ITPR1: variants seen among roughly 807,000 people sequenced by gnomAD.
ITPR1 encodes inositol 1,4,5-trisphosphate-gated calcium channel ITPR1.
ITPR1 carries 96 observed loss-of-function variants against 318.4 expected under a neutral mutation model. The observed-to-expected ratio is 0.30, with a 90% CI of 0.26 to 0.36. The LOEUF is 0.36. Among genes scored for constraint, ITPR1 ranks in the 10% least tolerant of loss-of-function variants. The probability of loss-of-function intolerance (pLI) is 1.00; values close to 1 mark genes in which losing one functional copy is unlikely to be tolerated. For synonymous variants in ITPR1, 1,312 were observed against 1,289.9 expected, an observed-to-expected ratio of 1.02 and a Z score of -0.37; for missense variants, 2,440 against 3,460.2, an observed-to-expected ratio of 0.71 and a Z score of 7.40.
intron 55 of ITPR1, among the ~76,000 whole-genome samples, chr3:4,809,412 G>T (rs1051349195): frequency 1.1e-4 from 16 of 152,166 alleles, no homozygotes; most frequent in Non-Finnish European, 2.1e-4. Context: ...GAAATACCAG[G>T]TGATCATTTT....
intron 4 of ITPR1, among the ~76,000 whole-genome samples, chr3:4,566,913 G>T (rs971417241): frequency 2.6e-5 from 4 of 152,082 alleles, no homozygotes; most frequent in Non-Finnish European, 5.9e-5. Context: ...TTCAGCTTAG[G>T]CAATCTTCCA....
intron 2 of ITPR1, among the ~76,000 whole-genome samples, chr3:4,508,913 A>G (rs1244285951): frequency 6.6e-6 from 1 of 152,194 alleles, no homozygotes; most frequent in Non-Finnish European, 1.5e-5. Flanking sequence ...GAGGATTTAA[A>G]CATTTCTGGG....
intron 40 of ITPR1, among the ~76,000 whole-genome samples, chr3:4,725,176 G>A (rs777667653): frequency 1.3e-5 from 2 of 151,952 alleles, no homozygotes. Context: ...CCGTGGACAC[G>A]CATACTATTG....
rs1319665381 is a variant in ITPR1, at chr3:4,836,634, G to A, written c.8029-140G>A. 4 of 803,592 alleles carry A rather than the reference G, an allele frequency of 5.0e-6. No homozygotes were observed. The African/African-American group carries it at 5.3e-5, about 11-fold the overall frequency. 49.8% of individuals were successfully genotyped at this position (803,592 alleles called of 1,614,324 possible). The stretch of plus-strand genomic sequence containing the variant: ...TACTGAGCAATTAAAAAAATACACA[G>A]CACATAAGTTCTGCCATAGAAGGAG... On this transcript the variant is annotated intron_variant, in intron 60 of 61. Transcript: ENST00000649015.
intron 2 of ITPR1, among the ~76,000 whole-genome samples, chr3:4,498,786 A>G (rs543419815): frequency 4.8e-4 from 73 of 152,336 alleles, no homozygotes; most frequent in African/African-American, 1.6e-3. Flanking sequence ...ACATAATGAT[A>G]ATCCTGGAGT....
chr3:4,777,752 C>A (rs933228638), intron 48 of ITPR1, among the ~76,000 whole-genome samples: 1 of 149,376 alleles, frequency 6.7e-6, no homozygotes, highest in Non-Finnish European at 1.5e-5. Flanking sequence ...GGAAAAGGGC[C>A]GGTTGAAGAA....
chr3:4,688,617 A>C lies in ITPR1; in HGVS notation c.3825A>C (p.Pro1275=), dbSNP rs762927122. The C allele has an allele frequency of 1.2e-6, 2 of 1,613,464 alleles. No individual in the cohort carries two copies. The highest frequency in any genetic ancestry group is 2.7e-5 in the African/African-American group (2 of 75,050). ...AACACATAAACCTGTTTCTCAACCC[A>C]GGGGTAAGACTTGAGGCCAATCTGC... ...LHKHINLFLN[P]GILEAVTMQH... Residue 1275 remains proline (P), a synonymous_variant, in exon 31 of 62, where the codon CCA becomes CCC. Transcript: ENST00000649015.
chr3:4,818,293 T>A, intron 60 of ITPR1, 51 bp downstream of exon 60: 1 of 1,441,260 alleles, frequency 6.9e-7, no homozygotes, highest in Non-Finnish European at 9.4e-7. Context: ...CCTACTCAGC[T>A]CTGAGCAAGG....
intron 10 of ITPR1, among the ~76,000 whole-genome samples, chr3:4,647,859 G>C (rs754360856): frequency 2.6e-5 from 4 of 152,214 alleles, no homozygotes; most frequent in Non-Finnish European, 5.9e-5. Flanking sequence ...GATGTTGTAA[G>C]AATCAAGTTC....
At chr3:4,648,685 C>T (rs573281225) in intron 10 of ITPR1, among the ~76,000 whole-genome samples, 1 of 152,266 alleles carries the variant, frequency 6.6e-6, no homozygotes, top group East Asian at 1.9e-4. Context: ...TGGCACATGT[C>T]TATAATCCCA....
intron 4 of ITPR1, among the ~76,000 whole-genome samples, chr3:4,616,251 A>G (rs59940853): frequency 0.016 from 2,415 of 152,312 alleles, 60 homozygotes; most frequent in African/African-American, 0.056. Flanking sequence ...TGTTTACTGA[A>G]TATATCAGGA....
intron 30 of ITPR1, among the ~76,000 whole-genome samples, chr3:4,687,176 A>T (rs1182986810): frequency 6.6e-6 from 1 of 152,234 alleles, no homozygotes; most frequent in Admixed American, 6.5e-5. Flanking sequence ...ATTTTAAAAT[A>T]GTCACATAAG....
Position 4,642,061 on chromosome 3 carries a change from A to T in ITPR1, c.367-32A>T, listed in dbSNP as rs2093351352. ...AATGGTAGAAAATTCAGATTTGCTG[A>T]CACTCACTTTATTCTCTTGGTGGGT... On this transcript the variant is annotated intron_variant, in intron 6 of 61. Coordinates refer to ENST00000649015, the MANE Select transcript of ITPR1 (RefSeq NM_001378452.1). The T allele has an allele frequency of 6.6e-6, 10 of 1,519,142 alleles. No individual in the cohort carries two copies. The African/African-American group carries it at 9.9e-5, about 15-fold the overall frequency. The allele number at this position is 1,519,142 out of a possible 1,614,324, so 94.1% of individuals were successfully genotyped here.
intron 52 of ITPR1, 43 bp from the exon 53 acceptor site, chr3:4,795,022 T>C (rs757824499): frequency 4.6e-5 from 71 of 1,543,124 alleles, no homozygotes; most frequent in Non-Finnish European, 5.9e-5. Flanking sequence ...GCGTTCCGGC[T>C]TGGGGTCTCC....
At chr3:4,599,865 A>G (rs1240902892) in intron 4 of ITPR1, among the ~76,000 whole-genome samples, 2 of 152,236 alleles carry the variant, frequency 1.3e-5, no homozygotes, top group East Asian at 1.9e-4. Flanking sequence ...AGGGTGTTGG[A>G]TATAGTTGTC....
chr3:4,736,687 G>A (rs1422406041), intron 44 of ITPR1, among the ~76,000 whole-genome samples: 1 of 152,222 alleles, frequency 6.6e-6, no homozygotes, highest in Non-Finnish European at 1.5e-5. Flanking sequence ...TGTCATGTGT[G>A]TGTGGGTGGG....
At chr3:4,676,512 A>C in intron 23 of ITPR1, 102 bp from the exon 24 acceptor site, 4 of 778,336 alleles carry the variant, frequency 5.1e-6, no homozygotes, top group Non-Finnish European at 8.2e-6. Context: ...TGGAATAGGG[A>C]TATGTTAAAT....
At chr3:4,522,886 A>G (rs1217018481) in intron 4 of ITPR1, among the ~76,000 whole-genome samples, 1 of 152,190 alleles carries the variant, frequency 6.6e-6, no homozygotes, top group Admixed American at 6.5e-5. Context: ...CTGGTGACGG[A>G]TGGAGTGGGA....
intron 4 of ITPR1, among the ~76,000 whole-genome samples, chr3:4,604,556 G>A (rs1170755647): frequency 6.6e-6 from 1 of 152,158 alleles, no homozygotes; most frequent in Non-Finnish European, 1.5e-5. Context: ...GACAAGCAAT[G>A]TAAAGGAGCA....
Sources: allele counts gnomAD v4.1 joint callset (sites outside exome capture counted in the v4.1 genomes callset), GRCh38; gene constraint gnomAD v4.1.1; transcripts MANE v1.5; gene names NCBI Gene and HGNC (gene_info 2026-07-23, HGNC 2026-07-21).